The following MAD1L1 variants were observed in gnomAD, a reference collection of about 807,000 sequenced individuals.
MAD1L1 encodes mitotic arrest deficient 1 like 1.
In MAD1L1, 95 loss-of-function variants were observed where a neutral mutation model predicts 96.9. That is an observed-to-expected ratio of 0.98 (90% CI 0.83 to 1.16). The LOEUF (loss-of-function observed/expected upper bound fraction) is 1.16. Among genes scored for constraint, MAD1L1 ranks in the 50% most tolerant of loss-of-function variants. The pLI, the probability that MAD1L1 is intolerant of heterozygous loss-of-function variation, is 0.00. For synonymous variants in MAD1L1, 473 were observed against 396.6 expected (o/e 1.19, Z -2.29); for missense variants, 1,007 against 954.4 (o/e 1.06, Z -0.73).
At chr7:1,822,442 A>ATATATATATATATT (rs768089526) in intron 18 of MAD1L1, among the ~76,000 whole-genome samples, 4 of 140,586 alleles carry the variant, frequency 2.8e-5, no homozygotes, top group African/African-American at 5.2e-5. Flanking sequence ...ATATATATAT[A>ATATATATATATATT]TTTTTTTTTT....
intron 10 of MAD1L1, among the ~76,000 whole-genome samples, chr7:2,212,327 G>A (rs1416745487): frequency 6.6e-6 from 1 of 152,200 alleles, no homozygotes; most frequent in South Asian, 2.1e-4. Context: ...CACAGACTGC[G>A]TGAAGAGGCT....
intron 15 of MAD1L1, among the ~76,000 whole-genome samples, chr7:1,963,018 C>T (rs562645909): frequency 6.6e-6 from 1 of 152,302 alleles, no homozygotes; most frequent in African/African-American, 2.4e-5. Flanking sequence ...TGAGGAGAAG[C>T]TGCACACCAA....
chr7:2,207,218 A>G (rs73041344), intron 10 of MAD1L1, among the ~76,000 whole-genome samples: 4,058 of 152,288 alleles, frequency 0.027, 103 homozygotes, highest in South Asian at 0.084. Context: ...ACACGACCAC[A>G]GTACCTTTAC....
rs1584024439 is a variant in MAD1L1 at position 1,995,442 on chromosome 7, GACCAGGCAGTGAAGC to G, written c.1416+6608_1416+6622del. Among the ~76,000 whole-genome samples the G allele has an allele frequency of 2.0e-5, 3 of 152,336 alleles. No homozygotes were observed. In the East Asian group the frequency reaches 5.8e-4, roughly 29 times the overall value. Reference sequence around the variant, plus strand: ...CCCCGCTTCCTCTCTCCACCCTGAGGACCAGGCAGTGAAGCACCTGCCTGTGGCCACACAGCAAGA... The same window carrying G: ...CCCCGCTTCCTCTCTCCACCCTGAGGACCTGCCTGTGGCCACACAGCAAGA... On this transcript the variant is annotated intron_variant, in intron 14 of 18. Transcript: ENST00000265854.
At chr7:1,926,602 A>T (rs1012928513) in intron 17 of MAD1L1, among the ~76,000 whole-genome samples, 1 of 152,254 alleles carries the variant, frequency 6.6e-6, no homozygotes, top group African/African-American at 2.4e-5. Flanking sequence ...ACACACTGTC[A>T]ATCACACTAA....
intron 13 of MAD1L1, among the ~76,000 whole-genome samples, chr7:2,010,211 C>T (rs1782231937): frequency 6.6e-6 from 1 of 151,642 alleles, no homozygotes; most frequent in Admixed American, 6.6e-5. Flanking sequence ...GAAGATCAGG[C>T]TCTCCCCAGC....
At chr7:2,009,894 C>A (rs1053826341) in intron 13 of MAD1L1, among the ~76,000 whole-genome samples, 2 of 151,748 alleles carry the variant, frequency 1.3e-5, no homozygotes, top group Admixed American at 1.3e-4. Flanking sequence ...TCACGGGGAG[C>A]CCGGCTCAGC....
intron 18 of MAD1L1, among the ~76,000 whole-genome samples, chr7:1,892,535 C>G (rs1380185236): frequency 1.3e-5 from 2 of 152,170 alleles, no homozygotes; most frequent in Non-Finnish European, 2.9e-5. Context: ...ATCTGAAAAT[C>G]TGGTATCGGA....
intron 15 of MAD1L1, among the ~76,000 whole-genome samples, chr7:1,961,549 C>A (rs1390272048): frequency 6.6e-6 from 1 of 152,184 alleles, no homozygotes; most frequent in Non-Finnish European, 1.5e-5. Flanking sequence ...GAATTAAAAT[C>A]TTGTACAATA....
At chr7:2,065,532 C>T (rs1055281879) in intron 12 of MAD1L1, among the ~76,000 whole-genome samples, 3 of 152,200 alleles carry the variant, frequency 2.0e-5, no homozygotes, top group Admixed American at 2.0e-4. Flanking sequence ...GTGTCGTCAC[C>T]AACCCCAGCT....
chr7:2,103,676 G>A lies in MAD1L1; in HGVS notation c.1074-34338C>T, dbSNP rs896742070. The stretch of plus-strand genomic sequence containing the variant: ...ATCCCACAGGGGAGAAGGAGGGAGC[G>A]GCCACGAGGAGGAGCCAGGGAGGCG... On this transcript the variant is annotated intron_variant, in intron 11 of 18. Transcript: ENST00000265854. The surrounding 1 kb of genome is among the most constrained non-coding windows in gnomAD (Gnocchi z 4.3). Among the ~76,000 whole-genome samples the A allele has an allele frequency of 2.6e-5, 4 of 152,152 alleles. No individual in the cohort carries two copies. The highest frequency in any genetic ancestry group is 2.1e-4 in the South Asian group (1 of 4,824).
intron 10 of MAD1L1, among the ~76,000 whole-genome samples, chr7:2,197,860 C>T (rs1333354902): frequency 1.3e-5 from 2 of 152,204 alleles, no homozygotes; most frequent in African/African-American, 4.8e-5. Context: ...GTTCACAACC[C>T]CTCCCTGCCT....
At chr7:2,025,924 T>G (rs931462008) in intron 12 of MAD1L1, among the ~76,000 whole-genome samples, 3 of 152,150 alleles carry the variant, frequency 2.0e-5, no homozygotes, top group Admixed American at 2.0e-4. Flanking sequence ...TTAAGATGTT[T>G]TCATAAAAAA....
chr7:1,824,681 C>T (rs538813548), intron 18 of MAD1L1, among the ~76,000 whole-genome samples: 5 of 151,780 alleles, frequency 3.3e-5, no homozygotes, highest in Admixed American at 1.3e-4. Context: ...TGGCATCTGC[C>T]GGGGCAGCCA....
chr7:2,059,558 G>A (rs4719412), intron 12 of MAD1L1, among the ~76,000 whole-genome samples: 5,931 of 142,894 alleles, frequency 0.042, 217 homozygotes, highest in African/African-American at 0.094. Context: ...AGGGGCTGGC[G>A]GGGAAGCATG....
intron 18 of MAD1L1, among the ~76,000 whole-genome samples, chr7:1,887,349 G>C (rs1453390219): frequency 6.6e-6 from 1 of 151,822 alleles, no homozygotes. Flanking sequence ...GTGTACGTGT[G>C]AGCATGCATG....
intron 18 of MAD1L1, among the ~76,000 whole-genome samples, chr7:1,834,166 A>T (rs532878938): frequency 6.6e-6 from 1 of 152,220 alleles, no homozygotes; most frequent in South Asian, 2.1e-4. Flanking sequence ...AATTTGTGGG[A>T]TGCCACTAGA....
At chr7:2,186,772 A>G (rs539526676) in intron 10 of MAD1L1, among the ~76,000 whole-genome samples, 115 of 151,606 alleles carry the variant, frequency 7.6e-4, no homozygotes, top group African/African-American at 2.7e-3. Context: ...GTCTTGTAAC[A>G]TCAAAACTAT....
At chr7:2,207,351 G>A (rs566618225) in intron 10 of MAD1L1, among the ~76,000 whole-genome samples, 4 of 152,292 alleles carry the variant, frequency 2.6e-5, no homozygotes, top group Admixed American at 2.6e-4. Flanking sequence ...CCCCCAGGCA[G>A]CTTCAGATAG....
Sources: gnomAD v4.1 joint callset for allele counts (sites outside exome capture counted in the v4.1 genomes callset) on GRCh38, gnomAD v4.1.1 for gene constraint, Gnocchi (gnomAD v3.1) non-coding constraint, MANE v1.5 for transcripts, NCBI Gene and HGNC (gene_info 2026-07-23, HGNC 2026-07-21) for gene names.